PCTP: variants seen among roughly 807,000 people sequenced by gnomAD.
PCTP encodes phosphatidylcholine transfer protein, also known as START domain-containing protein 2.
Under a neutral mutation model 31.0 loss-of-function variants are expected in PCTP, and 27 were observed. That is an observed-to-expected ratio of 0.87 (90% CI 0.64 to 1.20). PCTP has a LOEUF of 1.20. PCTP is among the 50% of genes most tolerant of loss of function. The probability of loss-of-function intolerance (pLI) is 0.00; values close to 1 mark genes in which losing one functional copy is unlikely to be tolerated. For synonymous variants in PCTP, 108 were observed against 101.2 expected, an observed-to-expected ratio of 1.07 and a Z score of -0.40; for missense variants, 287 against 268.2, an observed-to-expected ratio of 1.07 and a Z score of -0.49.
At chr17:55,813,326 C>T (rs749951004) in intron 3 of PCTP, among the ~76,000 whole-genome samples, 4 of 152,114 alleles carry the variant, frequency 2.6e-5, no homozygotes, top group Non-Finnish European at 5.9e-5. Context: ...TGGGGTGCTG[C>T]GGTGGTGCGA....
At chr17:55,805,479 G>C (rs1465223977) in intron 3 of PCTP, among the ~76,000 whole-genome samples, 1 of 151,970 alleles carries the variant, frequency 6.6e-6, no homozygotes, top group African/African-American at 2.4e-5. Context: ...CTCTGAGTTA[G>C]TTCATGTAGG....
rs558719653 is a variant in PCTP, at chr17:55,790,134, G to A, written c.317+2480G>A. Among the ~76,000 whole-genome samples the A allele has an allele frequency of 3.9e-5, 6 of 152,242 alleles. No homozygotes were observed. In the East Asian group the frequency reaches 9.7e-4, roughly 24 times the overall value. On this transcript the variant is annotated intron_variant, in intron 3 of 3. Coordinates refer to the PCTP transcript ENST00000572536. ...CATGCTAAAAACTCTCAATAAATTA[G>A]GTATTGATGGCATGTATCTCAAAAT...
chr17:55,775,912 G>C (rs1911303279), intron 5 of PCTP, 123 bp from the exon 6 acceptor site: 1 of 1,466,300 alleles, frequency 6.8e-7, no homozygotes. Context: ...TTGAAATCCA[G>C]TTAGGGAGCC....
intron 1 of PCTP, among the ~76,000 whole-genome samples, chr17:55,754,668 G>T (rs1027135918): frequency 2.0e-5 from 3 of 152,174 alleles, no homozygotes; most frequent in Non-Finnish European, 1.5e-5. Context: ...GATTCTTCTG[G>T]CCTCTCCATG....
chr17:55,800,285 T>C (rs761790125), intron 3 of PCTP, among the ~76,000 whole-genome samples: 1 of 151,994 alleles, frequency 6.6e-6, no homozygotes, highest in Non-Finnish European at 1.5e-5. Context: ...TTCATTCTTT[T>C]TTCTGTAATC....
chr17:55,782,794 C>A (rs1030761716), intron 2 of PCTP, among the ~76,000 whole-genome samples: 1 of 152,164 alleles, frequency 6.6e-6, no homozygotes, highest in Non-Finnish European at 1.5e-5. Flanking sequence ...TTTAAATGTC[C>A]CCTCCTCTGA....
intron 2 of PCTP, among the ~76,000 whole-genome samples, chr17:55,786,853 C>T (rs1911765199): frequency 6.6e-6 from 1 of 152,162 alleles, no homozygotes; most frequent in South Asian, 2.1e-4. Context: ...AATGGGGCTC[C>T]TGGTACCATC....
chr17:55,756,542 A>C (rs1359754162), intron 1 of PCTP, among the ~76,000 whole-genome samples: 2 of 152,180 alleles, frequency 1.3e-5, no homozygotes, highest in Admixed American at 6.5e-5. Flanking sequence ...AACCATACCA[A>C]GCCCTACCTT....
At chr17:55,825,688 A>G (rs562462150), downstream of PCTP, among the ~76,000 whole-genome samples, 4 of 152,362 alleles carry the variant, frequency 2.6e-5, no homozygotes, top group African/African-American at 7.2e-5. Context: ...CCTTGCAACA[A>G]TGAAAACAGG....
intron 1 of PCTP, among the ~76,000 whole-genome samples, chr17:55,766,552 A>T (rs1478393598): frequency 6.6e-6 from 1 of 151,478 alleles, no homozygotes; most frequent in Non-Finnish European, 1.5e-5. Context: ...GAGAATGATG[A>T]TTTCCAATTT....
At chr17:55,809,153 A>G (rs561973277) in intron 3 of PCTP, among the ~76,000 whole-genome samples, 1 of 152,356 alleles carries the variant, frequency 6.6e-6, no homozygotes, top group East Asian at 1.9e-4. Context: ...TAAAATTCTG[A>G]CATGAAAAAA....
At chr17:55,834,540 G>A (rs561681565) in intron 5 of PCTP, among the ~76,000 whole-genome samples, 1 of 152,312 alleles carries the variant, frequency 6.6e-6, no homozygotes, top group African/African-American at 2.4e-5. Flanking sequence ...CCTAGAAGGG[G>A]ATTTTAGCTT....
chr17:55,811,494 C>T (rs1462197721), intron 3 of PCTP, among the ~76,000 whole-genome samples: 2 of 152,162 alleles, frequency 1.3e-5, no homozygotes, highest in African/African-American at 4.8e-5. Flanking sequence ...GATCTCTCAC[C>T]CAGAACAATT....
At chr17:55,792,136 T>A (rs1462446164) in intron 3 of PCTP, among the ~76,000 whole-genome samples, 1 of 124,818 alleles carries the variant, frequency 8.0e-6, no homozygotes, top group Non-Finnish European at 1.6e-5. Flanking sequence ...AAGGGGAACC[T>A]CACACTCTGG....
intron 5 of PCTP, among the ~76,000 whole-genome samples, chr17:55,831,089 C>T (rs546885388): frequency 5.3e-5 from 8 of 151,796 alleles, no homozygotes; most frequent in Non-Finnish European, 7.4e-5. Context: ...CAATCGATTA[C>T]GGGCTGTCCA....
downstream of PCTP, among the ~76,000 whole-genome samples, chr17:55,824,460 T>C (rs959579955): frequency 7.9e-5 from 12 of 152,216 alleles, no homozygotes; most frequent in African/African-American, 2.9e-4. Flanking sequence ...TTAGTGCATG[T>C]CTCAAATTAA....
At chr17:55,756,751 A>C (rs1910048737) in intron 1 of PCTP, among the ~76,000 whole-genome samples, 1 of 151,680 alleles carries the variant, frequency 6.6e-6, no homozygotes, top group Admixed American at 6.6e-5. Flanking sequence ...GTATATATGT[A>C]TATATATATT....
chr17:55,843,914 C>T (rs73316056), downstream of PCTP, among the ~76,000 whole-genome samples: 2,895 of 152,218 alleles, frequency 0.019, 70 homozygotes, highest in African/African-American at 0.064. Flanking sequence ...GCAATCATTA[C>T]ACTAATGTCA....
At chr17:55,790,159 T>C (rs1911905905) in intron 3 of PCTP, among the ~76,000 whole-genome samples, 1 of 152,124 alleles carries the variant, frequency 6.6e-6, no homozygotes, top group South Asian at 2.1e-4. Context: ...TATCTCAAAA[T>C]AATAAGAGCT....
Sources: gnomAD v4.1 joint callset for allele counts (sites outside exome capture counted in the v4.1 genomes callset) on GRCh38, gnomAD v4.1.1 for gene constraint, MANE v1.5 for transcripts, NCBI Gene and HGNC (gene_info 2026-07-23, HGNC 2026-07-21) for gene names.